The following BCAS3 variants were observed in gnomAD, a reference collection of about 807,000 sequenced individuals.
BCAS3 encodes the protein BCAS3 microtubule associated cell migration factor.
In BCAS3, 53 loss-of-function variants were observed where a neutral mutation model predicts 116.1. The observed-to-expected ratio is 0.46, with a 90% CI of 0.37 to 0.57. BCAS3 has a LOEUF of 0.57. Among genes scored for constraint, BCAS3 ranks in the 20% least tolerant of loss-of-function variants. The probability of loss-of-function intolerance (pLI) is 0.00; values close to 1 mark genes in which losing one functional copy is unlikely to be tolerated. For missense variants in BCAS3, 917 were observed against 1,165.4 expected, an observed-to-expected ratio of 0.79 and a Z score of 3.10; for synonymous variants, 391 against 408.2, an observed-to-expected ratio of 0.96 and a Z score of 0.51.
At position 61,391,909 on chromosome 17, in the gene BCAS3, G is replaced by A; in HGVS notation, c.2594-68G>A. The A allele has an allele frequency of 1.9e-6, 3 of 1,552,888 alleles. No homozygotes were observed. The highest frequency in any genetic ancestry group is 2.6e-6 in the Non-Finnish European group (3 of 1,144,582). The stretch of plus-strand genomic sequence containing the variant: ...ATGGTGCCTCAAGGCAGGCAGCCTG[G>A]CCCAGATGGTGCCCCCACTCCCCAG... On this transcript the variant is annotated intron_variant, in intron 23 of 23. Transcript: ENST00000407086. This position sits in a 1 kb window ranked among gnomAD's most constrained non-coding sequence, Gnocchi z 7.7.
intron 22 of BCAS3, among the ~76,000 whole-genome samples, chr17:61,359,273 T>C (rs1489165713): frequency 6.6e-6 from 1 of 152,192 alleles, no homozygotes; most frequent in Non-Finnish European, 1.5e-5. Flanking sequence ...AATGGGCCTG[T>C]GTAGCTTACA....
rs1003123061 is a variant in BCAS3 at position 60,739,041 on chromosome 17, ACTT to A, written c.322-8153_322-8151del. 1.1e-3 allele frequency among the ~76,000 whole-genome samples: 173 copies of A among 152,020 alleles called. 1 individual carries two copies. The highest frequency in any genetic ancestry group is 4.1e-3 in the African/African-American group (168 of 41,458). ...GCATATCATTTTTACTACATTTTAA[ACTT>A]CTTTTAGTGATTGTCCTGGAGTTTG... On this transcript the variant is annotated intron_variant, in intron 5 of 23. Transcript: ENST00000407086.
At chr17:60,952,444 C>T (rs575847406) in intron 14 of BCAS3, among the ~76,000 whole-genome samples, 1 of 151,978 alleles carries the variant, frequency 6.6e-6, no homozygotes, top group East Asian at 1.9e-4. Flanking sequence ...CTCAGCCTCC[C>T]GAGTAGCTGG....
intron 7 of BCAS3, among the ~76,000 whole-genome samples, chr17:60,846,336 C>T (rs1256308101): frequency 6.6e-6 from 1 of 152,196 alleles, no homozygotes; most frequent in Non-Finnish European, 1.5e-5. Flanking sequence ...GGGATCCCCA[C>T]TGACTTCCTG....
chr17:61,154,734 G>T lies in BCAS3; in HGVS notation c.2425+70170G>T, dbSNP rs571369113. On this transcript the variant is annotated intron_variant, in intron 22 of 23. Coordinates refer to ENST00000407086, the MANE Select transcript of BCAS3 (RefSeq NM_017679.5). The stretch of plus-strand genomic sequence containing the variant: ...ACTGGGATTACAGGCATGAGCCACC[G>T]CGCCCAGCCTCAGAGGGATTTTGTT... Among the ~76,000 whole-genome samples, 4 of 152,078 alleles carry T rather than the reference G, an allele frequency of 2.6e-5. No homozygotes were observed. In the East Asian group the frequency reaches 7.7e-4, roughly 29 times the overall value.
At chr17:60,942,825 A>G (rs921739927) in intron 13 of BCAS3, among the ~76,000 whole-genome samples, 4 of 152,186 alleles carry the variant, frequency 2.6e-5, no homozygotes, top group Non-Finnish European at 4.4e-5. Flanking sequence ...AAATGCTTAT[A>G]CTAATGTGAT....
intron 5 of BCAS3, among the ~76,000 whole-genome samples, chr17:60,737,899 G>C (rs1160108988): frequency 6.6e-6 from 1 of 152,060 alleles, no homozygotes; most frequent in African/African-American, 2.4e-5. Flanking sequence ...CGATTCTCCT[G>C]CCTCAGCCTC....
chr17:61,112,773 A>C (rs2075175193), intron 22 of BCAS3, among the ~76,000 whole-genome samples: 1 of 151,924 alleles, frequency 6.6e-6, no homozygotes, highest in East Asian at 1.9e-4. Flanking sequence ...CCCGAAATCA[A>C]CAGAATATAC....
At chr17:61,359,488 C>A (rs967581862) in intron 22 of BCAS3, among the ~76,000 whole-genome samples, 15 of 119,740 alleles carry the variant, frequency 1.3e-4, no homozygotes, top group African/African-American at 3.6e-4. Context: ...CATCAGGTTA[C>A]TTCAAGGTTT....
In BCAS3 at chr17:61,198,794, C is replaced by T. The variant is rs897123028; in HGVS notation, c.2425+114230C>T. Among the ~76,000 whole-genome samples the T allele has an allele frequency of 6.6e-6, 1 of 152,178 alleles. No individual in the cohort carries two copies. The highest frequency in any genetic ancestry group is 1.5e-5 in the Non-Finnish European group (1 of 68,028). ...TAGAGGTGTCCTCGGAATTTTAGAA[C>T]TAACGGTTTAATTTCCTGACTCTTA... On this transcript the variant is annotated intron_variant, in intron 22 of 23. Transcript: ENST00000407086. The surrounding 1 kb of genome is among the most constrained non-coding windows in gnomAD (Gnocchi z 5.0).
rs1428489945 is a variant in BCAS3 at position 61,293,787 on chromosome 17, G to T, written c.2426-74540G>T. On this transcript the variant is annotated intron_variant, in intron 22 of 23. Coordinates refer to ENST00000407086, the MANE Select transcript of BCAS3 (RefSeq NM_017679.5). ...ACCTCATTTTTATTTTTCAGACAGG[G>T]TCTCACTCTGTCACCCAGGCTGGAG... Among the ~76,000 whole-genome samples, 8 of 152,294 alleles carry T rather than the reference G, an allele frequency of 5.3e-5. No individual in the cohort carries two copies. In the South Asian group the frequency reaches 1.5e-3, roughly 28 times the overall value.
intron 19 of BCAS3, among the ~76,000 whole-genome samples, chr17:61,072,691 AAAAG>A (rs1248567001): frequency 1.3e-5 from 2 of 151,732 alleles, no homozygotes; most frequent in Non-Finnish European, 2.9e-5. Flanking sequence ...AAAAAAAAAA[AAAAG>A]AAGAAAGGAA....
At chr17:60,999,581 T>C (rs1477411368) in intron 15 of BCAS3, among the ~76,000 whole-genome samples, 1 of 149,078 alleles carries the variant, frequency 6.7e-6, no homozygotes, top group Non-Finnish European at 1.5e-5. Flanking sequence ...GAAAAAGAAA[T>C]GTGATGTCTT....
rs912195275 is a variant in BCAS3, at chr17:61,063,338, C to T, written c.2030-11582C>T. On this transcript the variant is annotated intron_variant, in intron 19 of 23. Coordinates refer to ENST00000407086, the MANE Select transcript of BCAS3 (RefSeq NM_017679.5). This position sits in a 1 kb window ranked among gnomAD's most constrained non-coding sequence, Gnocchi z 5.3. ...AGGCTGGAGTGCGGTGGCACAATCT[C>T]GGCTCACTGCAGCCTTTGCCTCCTG... Among the ~76,000 whole-genome samples, 2 of 151,778 alleles carry T rather than the reference C, an allele frequency of 1.3e-5. No homozygotes were observed. Among genetic ancestry groups the T allele is most frequent in the Non-Finnish European group, 2.9e-5 (2 of 67,952 alleles).
In BCAS3 at chr17:61,315,350, C is replaced by G. The variant is rs966695907; in HGVS notation, c.2426-52977C>G. ...GGATGGATGGTCTCAAACTCCTGACCTCAGGTGATCCGGCCGCCTCAGCCT... is the reference window on the plus strand; with the variant it reads ...GGATGGATGGTCTCAAACTCCTGACGTCAGGTGATCCGGCCGCCTCAGCCT... On this transcript the variant is annotated intron_variant, in intron 22 of 23. Coordinates refer to ENST00000407086, the MANE Select transcript of BCAS3 (RefSeq NM_017679.5). This position sits in a 1 kb window ranked among gnomAD's most constrained non-coding sequence, Gnocchi z 5.3. 3.3e-5 allele frequency among the ~76,000 whole-genome samples: 5 copies of G among 152,060 alleles called. No homozygotes were observed. The highest frequency in any genetic ancestry group is 1.2e-4 in the African/African-American group (5 of 41,388).
intron 5 of BCAS3, among the ~76,000 whole-genome samples, chr17:60,735,319 T>C (rs1010038436): frequency 6.7e-6 from 1 of 148,950 alleles, no homozygotes; most frequent in African/African-American, 2.6e-5. Context: ...CCTTTTCTTG[T>C]CTTACTGTAT....
intron 4 of BCAS3, among the ~76,000 whole-genome samples, chr17:60,690,295 C>T (rs1248416809): frequency 6.6e-6 from 1 of 152,170 alleles, no homozygotes; most frequent in Non-Finnish European, 1.5e-5. Context: ...TGAGGCAGGG[C>T]ATAGTGGCTC....
intron 13 of BCAS3, among the ~76,000 whole-genome samples, chr17:60,935,037 A>G (rs1302366904): frequency 6.6e-6 from 1 of 152,158 alleles, no homozygotes; most frequent in Non-Finnish European, 1.5e-5. Flanking sequence ...TCATGCCCGT[A>G]GCTGTAATCC....
At chr17:60,719,149 TA>T (rs1371406296) in intron 5 of BCAS3, among the ~76,000 whole-genome samples, 2 of 152,246 alleles carry the variant, frequency 1.3e-5, no homozygotes, top group Non-Finnish European at 2.9e-5. Context: ...CTTTTAAAAA[TA>T]AGAAAGGTAT....
Sources: gnomAD v4.1 joint callset for allele counts (sites outside exome capture counted in the v4.1 genomes callset) on GRCh38, gnomAD v4.1.1 for gene constraint, Gnocchi (gnomAD v3.1) non-coding constraint, MANE v1.5 for transcripts, NCBI Gene and HGNC (gene_info 2026-07-23, HGNC 2026-07-21) for gene names.